The following GSE1 variants were observed in gnomAD, a reference collection of about 807,000 sequenced individuals.
The protein encoded by GSE1 is Gse1 coiled-coil protein, also known as genetic suppressor element 1.
GSE1 carries 32 observed loss-of-function variants against 112.6 expected under a neutral mutation model. The ratio of observed to expected loss-of-function variants is 0.28; its 90% CI spans 0.21 to 0.38. The LOEUF (loss-of-function observed/expected upper bound fraction) is 0.38. Ranked by LOEUF, GSE1 falls within the 10% of genes least tolerant of loss-of-function variation. The pLI is 1.00. For synonymous variants in GSE1, 1,115 were observed against 735.6 expected (o/e 1.52, Z -8.35); for missense variants, 2,348 against 1,699.2 (o/e 1.38, Z -6.71).
chr16:85,357,063 A>G (rs971231991), intron 1 of GSE1, among the ~76,000 whole-genome samples: 5 of 152,168 alleles, frequency 3.3e-5, no homozygotes, highest in Non-Finnish European at 7.3e-5. Context: ...CCTTGTCCCC[A>G]CCACCGCCAG....
At chr16:85,389,545 T>C (rs974798265) in intron 2 of GSE1, among the ~76,000 whole-genome samples, 3 of 151,554 alleles carry the variant, frequency 2.0e-5, no homozygotes, top group Non-Finnish European at 4.4e-5. Flanking sequence ...CTGGTTTGCA[T>C]GCAGGTGGTG....
intron 1 of GSE1, among the ~76,000 whole-genome samples, chr16:85,299,101 T>G (rs2045447371): frequency 6.6e-6 from 1 of 152,220 alleles, no homozygotes; most frequent in Non-Finnish European, 1.5e-5. Context: ...ATATGTGCAG[T>G]GAACATGCAG....
At chr16:85,531,611 C>T (rs1227005190) in intron 2 of GSE1, among the ~76,000 whole-genome samples, 1 of 152,188 alleles carries the variant, frequency 6.6e-6, no homozygotes, top group Non-Finnish European at 1.5e-5. Context: ...TCTGCCTGCC[C>T]CCCTTCCGCC....
chr16:85,471,758 G>A (rs937073656), intron 2 of GSE1, among the ~76,000 whole-genome samples: 3 of 152,088 alleles, frequency 2.0e-5, no homozygotes, highest in African/African-American at 7.2e-5. Flanking sequence ...TGCCCAGGGT[G>A]GAGTACAGTG....
intron 1 of GSE1, among the ~76,000 whole-genome samples, chr16:85,621,783 C>A (rs989332502): frequency 2.6e-5 from 4 of 152,172 alleles, no homozygotes; most frequent in Non-Finnish European, 5.9e-5. Flanking sequence ...CTGTTGTGTT[C>A]CTTCTGCCAG....
chr16:85,337,639 C>A (rs1208101169), intron 1 of GSE1, among the ~76,000 whole-genome samples: 1 of 150,934 alleles, frequency 6.6e-6, no homozygotes, highest in Non-Finnish European at 1.5e-5. Context: ...AACCGGGGAC[C>A]TGGCGCAGGG....
At chr16:85,585,139 A>G (rs2046630252) in intron 1 of GSE1, among the ~76,000 whole-genome samples, 1 of 152,102 alleles carries the variant, frequency 6.6e-6, no homozygotes, top group Non-Finnish European at 1.5e-5. Context: ...GCCGCTTTCC[A>G]CCTGCTGTTG....
intron 2 of GSE1, among the ~76,000 whole-genome samples, chr16:85,645,528 T>C (rs1286158850): frequency 6.6e-6 from 1 of 152,102 alleles, no homozygotes; most frequent in African/African-American, 2.4e-5. Flanking sequence ...GGGAGCACCT[T>C]TGGGAGAGCA....
intron 1 of GSE1, among the ~76,000 whole-genome samples, chr16:85,257,369 C>T (rs1303899931): frequency 1.3e-5 from 2 of 152,144 alleles, no homozygotes; most frequent in African/African-American, 4.8e-5. Flanking sequence ...CCTCGGCCTC[C>T]CAAAGTGCTG....
At chr16:85,602,908 G>A (rs1427743332) in intron 1 of GSE1, among the ~76,000 whole-genome samples, 10 of 152,362 alleles carry the variant, frequency 6.6e-5, no homozygotes, top group African/African-American at 1.4e-4. Flanking sequence ...GTCTGGGACC[G>A]GAGCGGGGCG....
chr16:85,277,901 T>C (rs1028351346), intron 1 of GSE1, among the ~76,000 whole-genome samples: 1 of 152,200 alleles, frequency 6.6e-6, no homozygotes, highest in African/African-American at 2.4e-5. Flanking sequence ...GGATTCCTCC[T>C]GGCCTCCACC....
chr16:85,625,119 C>T (rs142848044), intron 1 of GSE1, among the ~76,000 whole-genome samples: 48 of 152,284 alleles, frequency 3.2e-4, no homozygotes, highest in African/African-American at 1.0e-3. Flanking sequence ...CTTGGTCTGT[C>T]GTGCCCCTTT....
At chr16:85,187,874 G>T (rs1053778013) in intron 1 of GSE1, among the ~76,000 whole-genome samples, 3 of 152,232 alleles carry the variant, frequency 2.0e-5, no homozygotes, top group Non-Finnish European at 4.4e-5. Context: ...GGCAGGGGGA[G>T]GTAGCTGAGG....
At chr16:85,297,520 G>A (rs983197252) in intron 1 of GSE1, among the ~76,000 whole-genome samples, 1 of 151,006 alleles carries the variant, frequency 6.6e-6, no homozygotes, top group African/African-American at 2.5e-5. Flanking sequence ...TTTGTTTTGA[G>A]ATTGTGTCTT....
At chr16:85,371,092 G>A (rs994837431) in intron 2 of GSE1, among the ~76,000 whole-genome samples, 6 of 152,222 alleles carry the variant, frequency 3.9e-5, no homozygotes, top group African/African-American at 1.4e-4. Flanking sequence ...GGAGCCGGAG[G>A]CGTCCTCTTC....
At chr16:85,316,853 C>T (rs77072277) in intron 1 of GSE1, among the ~76,000 whole-genome samples, 3 of 152,288 alleles carry the variant, frequency 2.0e-5, no homozygotes, top group East Asian at 3.9e-4. Context: ...CCCCGCCCGG[C>T]GTGGCTGCAG....
intron 2 of GSE1, among the ~76,000 whole-genome samples, chr16:85,393,579 CA>C (rs2047897131): frequency 2.0e-5 from 3 of 152,240 alleles, no homozygotes; most frequent in Non-Finnish European, 4.4e-5. Flanking sequence ...CTTCATTTTG[CA>C]GAGACTACTA....
intron 2 of GSE1, among the ~76,000 whole-genome samples, chr16:85,440,976 C>T (rs1265188023): frequency 6.6e-6 from 1 of 152,202 alleles, no homozygotes; most frequent in African/African-American, 2.4e-5. Context: ...GAAATGCACA[C>T]GTCCAGCCAG....
At chr16:85,335,806 G>C (rs754842990) in intron 1 of GSE1, among the ~76,000 whole-genome samples, 5 of 152,102 alleles carry the variant, frequency 3.3e-5, no homozygotes, top group Non-Finnish European at 5.9e-5. Context: ...CCAGTGCCTT[G>C]TCTGAGGCCT....
Sources: gnomAD v4.1 joint callset for allele counts (sites outside exome capture counted in the v4.1 genomes callset) on GRCh38, gnomAD v4.1.1 for gene constraint, MANE v1.5 for transcripts, NCBI Gene and HGNC (gene_info 2026-07-23, HGNC 2026-07-21) for gene names.